The following FGR variants were observed in gnomAD, a reference collection of about 807,000 sequenced individuals.
FGR encodes tyrosine-protein kinase Fgr.
A neutral mutation model predicts 63.2 loss-of-function variants in FGR; 26 were observed. That is an observed-to-expected ratio of 0.41 (90% CI 0.30 to 0.57). The LOEUF is 0.57. Ranked by LOEUF, FGR falls within the 20% of genes least tolerant of loss-of-function variation. The probability of loss-of-function intolerance (pLI) is 0.27; values close to 1 mark genes in which losing one functional copy is unlikely to be tolerated. For synonymous variants in FGR, 286 were observed against 277.7 expected (o/e 1.03, Z -0.30); for missense variants, 511 against 690.8 (o/e 0.74, Z 2.92).
Position 27,613,043 on chromosome 1 carries a change from C to A in FGR, c.1461G>T (p.Leu487=). The change falls in exon 13 of 13, where the codon CTG becomes CTT. Residue 487 remains leucine, a synonymous_variant. Coordinates refer to ENST00000374005, the MANE Select transcript of FGR (RefSeq NM_005248.3). ...GCCAGGTCTGTTCCATGGCCTCGTA[C>A]AGGGATGCTGGGCAGCCTGGAGGGC... ...MPCPPGCPAS[L]YEAMEQTWRL... 6.2e-7 allele frequency: 1 copy of A among 1,614,186 alleles called. No individual in the cohort carries two copies. Among genetic ancestry groups the A allele is most frequent in the Non-Finnish European group, 8.5e-7 (1 of 1,180,018 alleles).
At chr1:27,634,253 G>A (rs1405830491) in intron 1 of FGR, among the ~76,000 whole-genome samples, 1 of 152,214 alleles carries the variant, frequency 6.6e-6, no homozygotes, top group Non-Finnish European at 1.5e-5. Flanking sequence ...TTTCCGTCGG[G>A]GCGGCAGCAA....
chr1:27,631,745 G>A (rs767350971), intron 1 of FGR, among the ~76,000 whole-genome samples: 2 of 152,186 alleles, frequency 1.3e-5, no homozygotes, highest in Non-Finnish European at 2.9e-5. Context: ...ACTGGGCAGG[G>A]CTGAGAAGAA....
chr1:27,631,407 C>G (rs779837382), intron 1 of FGR, among the ~76,000 whole-genome samples: 7 of 152,284 alleles, frequency 4.6e-5, no homozygotes, highest in Non-Finnish European at 1.0e-4. Flanking sequence ...TATGCCAGTT[C>G]TTTGATGTAG....
chr1:27,622,258 C>T (rs1449808368), intron 4 of FGR, among the ~76,000 whole-genome samples: 2 of 143,660 alleles, frequency 1.4e-5, no homozygotes, highest in Non-Finnish European at 3.0e-5. Flanking sequence ...CACTGCACTC[C>T]AGCCCGGGAG....
chr1:27,621,213 T>C (rs1164242312), intron 5 of FGR, among the ~76,000 whole-genome samples: 5 of 152,072 alleles, frequency 3.3e-5, no homozygotes, highest in Non-Finnish European at 7.4e-5. Context: ...CCCAACTATC[T>C]GGGTTCATAC....
chr1:27,612,704 G>A lies in FGR; in HGVS notation c.*210C>T. 3.5e-6 allele frequency: 2 copies of A among 570,566 alleles called. No individual in the cohort carries two copies. Among genetic ancestry groups the A allele is most frequent in the Non-Finnish European group, 6.3e-6 (2 of 318,742 alleles). 35.3% of individuals were successfully genotyped at this position (570,566 alleles called of 1,614,324 possible). A position where few individuals can be genotyped will look rare whatever the true frequency, so the allele number is the denominator to read the frequency against. ...TGGAAAAGGAAGAAATAGTGCTTGG[G>A]GCCAGAGCGGATGAGAGATCAGCTC... On this transcript the variant is annotated 3_prime_UTR_variant, in exon 13 of 13. Coordinates refer to ENST00000374005, the MANE Select transcript of FGR (RefSeq NM_005248.3).
chr1:27,623,074 G>C lies in FGR; in HGVS notation c.297C>G (p.Thr99=). 4.3e-6 allele frequency: 7 copies of C among 1,614,070 alleles called. No individual in the cohort carries two copies. The highest frequency in any genetic ancestry group is 5.9e-6 in the Non-Finnish European group (7 of 1,179,898). The part of the protein sequence containing the change: ...EARTEDDLTF[T]KGEKFHILNN... ...TCAGGATGTGGAACTTCTCGCCCTT[G>C]GTGAAGGTGAGGTCATCCTCAGTTC... Residue 99 remains threonine (T), a synonymous_variant, in exon 4 of 13, where the codon ACC becomes ACG. Coordinates refer to ENST00000374005, the MANE Select transcript of FGR (RefSeq NM_005248.3).
intron 1 of FGR, among the ~76,000 whole-genome samples, chr1:27,634,705 T>A (rs1410371745): frequency 6.6e-6 from 1 of 150,784 alleles, no homozygotes; most frequent in East Asian, 2.0e-4. Flanking sequence ...CTTCAGTTTC[T>A]CCCCCAGACC....
At chr1:27,629,087 G>A (rs1007321848) in intron 1 of FGR, among the ~76,000 whole-genome samples, 1 of 151,578 alleles carries the variant, frequency 6.6e-6, no homozygotes, top group Non-Finnish European at 1.5e-5. Context: ...AGAGAGAGAG[G>A]CAGAGTTTGA....
At chr1:27,614,704 A>G (rs1208391334) in intron 10 of FGR, 121 bp from the exon 11 acceptor site, 6 of 1,362,852 alleles carry the variant, frequency 4.4e-6, no homozygotes, top group Non-Finnish European at 6.1e-6. Context: ...GAGGCCCAGA[A>G]AGAGAGGCAG....
At position 27,616,901 on chromosome 1, in the gene FGR, C is replaced by T; in HGVS notation, c.638G>A (p.Arg213Gln). 6.2e-7 allele frequency: 1 copy of T among 1,614,182 alleles called. No individual in the cohort carries two copies. The highest frequency in any genetic ancestry group is 8.5e-7 in the Non-Finnish European group (1 of 1,180,036). Residue 213 changes from arginine to glutamine, a missense_variant, in exon 7 of 13, where the codon CGG becomes CAG. By Grantham distance (43) the Arg-to-Gln change is conservative. Coordinates refer to ENST00000374005, the MANE Select transcript of FGR (RefSeq NM_005248.3). The surrounding 1 kb of genome is among the most constrained non-coding windows in gnomAD (Gnocchi z 4.3). ...LDMGGYYITT[R>Q]VQFNSVQELV... ...CTCCTGCACCGAGTTGAACTGAACC[C>T]GTGTGGTGATGTAGTAGCCGCCCAT...
At chr1:27,623,994 G>A (rs1159611762) in intron 2 of FGR, 65 bp from the exon 3 acceptor site, 11 of 1,323,940 alleles carry the variant, frequency 8.3e-6, no homozygotes, top group South Asian at 2.8e-5. Context: ...GCACACACGC[G>A]CATGCACATG....
In FGR at chr1:27,623,140, A is replaced by G; in HGVS notation, c.231T>C (p.Ile77=). The G allele has an allele frequency of 3.7e-6, 6 of 1,613,234 alleles. No individual in the cohort carries two copies. The highest frequency in any genetic ancestry group is 5.1e-6 in the Non-Finnish European group (6 of 1,179,182). Residue 77 remains isoleucine (I), a synonymous_variant, in exon 4 of 13, where the codon ATT becomes ATC. Coordinates refer to ENST00000374005, the MANE Select transcript of FGR (RefSeq NM_005248.3). ...ACAGGGCAATGAACAGGGTCACCCC[A>G]ATCCCTGCAGAGTCAGGGCTACTCA... The part of the protein sequence containing the change: ...DSGTIRGVSG[I]GVTLFIALYD...
At chr1:27,624,080 G>A (rs777848877) in intron 2 of FGR, 151 bp from the exon 3 acceptor site, 45 of 621,690 alleles carry the variant, frequency 7.2e-5, no homozygotes, top group Non-Finnish European at 1.1e-4. Flanking sequence ...GATAAAGGCG[G>A]AACTGGGCCA....
At chr1:27,634,167 C>T (rs1382789035) in intron 1 of FGR, among the ~76,000 whole-genome samples, 1 of 151,970 alleles carries the variant, frequency 6.6e-6, no homozygotes, top group Non-Finnish European at 1.5e-5. Context: ...CCCGGAGCCC[C>T]GCGGCGGCCC....
chr1:27,630,115 C>T (rs923113130), intron 1 of FGR, among the ~76,000 whole-genome samples: 4 of 152,118 alleles, frequency 2.6e-5, no homozygotes, highest in African/African-American at 9.7e-5. Context: ...TAAAGTGGCA[C>T]AATCTTGGCT....
At chr1:27,632,649 T>C (rs2090122169) in intron 1 of FGR, among the ~76,000 whole-genome samples, 1 of 152,068 alleles carries the variant, frequency 6.6e-6, no homozygotes, top group South Asian at 2.1e-4. Context: ...GTTTTCCACC[T>C]GTTGCTGAAA....
chr1:27,614,635 G>A (rs1249357012), intron 10 of FGR, 52 bp from the exon 11 acceptor site: 2 of 1,596,560 alleles, frequency 1.3e-6, no homozygotes, highest in Non-Finnish European at 1.7e-6. Context: ...TCACAACACC[G>A]TGGCCTGTTT....
intron 1 of FGR, among the ~76,000 whole-genome samples, chr1:27,627,491 G>T (rs773101339): frequency 1.1e-4 from 16 of 150,112 alleles, no homozygotes; most frequent in Non-Finnish European, 2.4e-4. Flanking sequence ...CTCTATAAAA[G>T]AATAGCAAAT....
Sources: allele counts gnomAD v4.1 joint callset (sites outside exome capture counted in the v4.1 genomes callset), GRCh38; gene constraint gnomAD v4.1.1; non-coding constraint Gnocchi (gnomAD v3.1); transcripts MANE v1.5; gene names NCBI Gene and HGNC (gene_info 2026-07-23, HGNC 2026-07-21).